Variants in CLSTN2 observed in about 807,000 individuals in gnomAD.
The protein encoded by CLSTN2 is calsyntenin 2.
CLSTN2 carries 48 observed loss-of-function variants against 101.2 expected under a neutral mutation model. The ratio of observed to expected loss-of-function variants is 0.47; its 90% CI spans 0.38 to 0.60. The LOEUF is 0.60. Among genes scored for constraint, CLSTN2 ranks in the 20% least tolerant of loss-of-function variants. The probability of loss-of-function intolerance (pLI) is 0.00; values close to 1 mark genes in which losing one functional copy is unlikely to be tolerated. For missense variants in CLSTN2, 1,160 were observed against 1,238.2 expected (o/e 0.94, Z 0.95); for synonymous variants, 481 against 463.6 (o/e 1.04, Z -0.48).
chr3:140,306,577 G>A (rs923358925), intron 2 of CLSTN2, among the ~76,000 whole-genome samples: 1 of 152,126 alleles, frequency 6.6e-6, no homozygotes, highest in Non-Finnish European at 1.5e-5. Context: ...AATATAATAA[G>A]AACAATGCCT....
intron 1 of CLSTN2, among the ~76,000 whole-genome samples, chr3:140,169,677 G>A (rs987796894): frequency 6.6e-6 from 1 of 152,034 alleles, no homozygotes; most frequent in Non-Finnish European, 1.5e-5. Flanking sequence ...TTATAATTTT[G>A]TCAGATGCTT....
At chr3:140,320,188 G>T (rs902407171) in intron 2 of CLSTN2, among the ~76,000 whole-genome samples, 5 of 152,164 alleles carry the variant, frequency 3.3e-5, no homozygotes, top group African/African-American at 1.2e-4. Flanking sequence ...GAGACCTAAA[G>T]AACCTAAGAA....
chr3:140,117,223 G>T (rs1243685118), intron 1 of CLSTN2, among the ~76,000 whole-genome samples: 1 of 152,118 alleles, frequency 6.6e-6, no homozygotes, highest in Middle Eastern at 3.2e-3. Context: ...GCCCGCCGTG[G>T]TTGCCTCTCT....
At chr3:140,244,060 G>A (rs1438364960) in intron 2 of CLSTN2, among the ~76,000 whole-genome samples, 2 of 152,218 alleles carry the variant, frequency 1.3e-5, no homozygotes, top group East Asian at 1.9e-4. Context: ...AGGTAAAGTA[G>A]AGAGGAAGGC....
At chr3:140,465,232 CT>C (rs1933662074) in intron 7 of CLSTN2, among the ~76,000 whole-genome samples, 1 of 152,204 alleles carries the variant, frequency 6.6e-6, no homozygotes, top group Non-Finnish European at 1.5e-5. Flanking sequence ...GGCCTGGCTC[CT>C]TTTCTCTGCA....
intron 2 of CLSTN2, among the ~76,000 whole-genome samples, chr3:140,392,671 C>T (rs545629708): frequency 3.9e-5 from 6 of 152,010 alleles, no homozygotes; most frequent in East Asian, 1.9e-4. Flanking sequence ...AGTCATTTTT[C>T]GAGGAGGAGT....
chr3:140,522,469 G>A (rs1269394349), intron 8 of CLSTN2, among the ~76,000 whole-genome samples: 3 of 152,194 alleles, frequency 2.0e-5, no homozygotes, highest in Non-Finnish European at 4.4e-5. Context: ...TGAAATGAAG[G>A]TGACCCTTCA....
intron 2 of CLSTN2, among the ~76,000 whole-genome samples, chr3:140,259,878 G>A (rs2086635365): frequency 6.6e-6 from 1 of 151,814 alleles, no homozygotes. Flanking sequence ...TAGATGAGGT[G>A]GTCTATTAAT....
chr3:140,068,354 T>G (rs2008333616), intron 1 of CLSTN2, among the ~76,000 whole-genome samples: 1 of 152,194 alleles, frequency 6.6e-6, no homozygotes, highest in Admixed American at 6.5e-5. Flanking sequence ...ATGAACCCTT[T>G]TAGAGTTCTT....
chr3:140,082,142 G>A (rs2008608965), intron 1 of CLSTN2, among the ~76,000 whole-genome samples: 1 of 152,198 alleles, frequency 6.6e-6, no homozygotes, highest in Non-Finnish European at 1.5e-5. Context: ...CAAGACTACT[G>A]TCATAAATAT....
chr3:140,281,317 T>A (rs1427641927), intron 2 of CLSTN2, among the ~76,000 whole-genome samples: 1 of 152,216 alleles, frequency 6.6e-6, no homozygotes, highest in African/African-American at 2.4e-5. Flanking sequence ...GAAGGAATGT[T>A]CCTGCCCTCA....
intron 2 of CLSTN2, among the ~76,000 whole-genome samples, chr3:140,239,766 C>A (rs2086443992): frequency 6.6e-6 from 1 of 151,974 alleles, no homozygotes; most frequent in Admixed American, 6.6e-5. Context: ...TACGTCATGA[C>A]TATAGCCAGG....
chr3:140,123,324 A>G (rs923877618), intron 1 of CLSTN2, among the ~76,000 whole-genome samples: 1 of 152,200 alleles, frequency 6.6e-6, no homozygotes, highest in East Asian at 1.9e-4. Context: ...TGAAGGGCCC[A>G]TCATGAACAC....
At chr3:140,434,407 A>G (rs889379262) in intron 5 of CLSTN2, among the ~76,000 whole-genome samples, 1 of 152,022 alleles carries the variant, frequency 6.6e-6, no homozygotes, top group Non-Finnish European at 1.5e-5. Flanking sequence ...CTCAGGGCCT[A>G]CTCTGCACCC....
intron 2 of CLSTN2, among the ~76,000 whole-genome samples, chr3:140,297,600 T>C (rs1352169571): frequency 6.6e-6 from 1 of 152,182 alleles, no homozygotes; most frequent in East Asian, 1.9e-4. Context: ...GCTAGAGTCC[T>C]TTTCTAAATT....
At chr3:140,077,310 G>A (rs1279046278) in intron 1 of CLSTN2, among the ~76,000 whole-genome samples, 13 of 152,142 alleles carry the variant, frequency 8.5e-5, no homozygotes, top group Admixed American at 8.5e-4. Flanking sequence ...TTCTTTGCCA[G>A]GTTACCCCTC....
intron 6 of CLSTN2, among the ~76,000 whole-genome samples, chr3:140,457,193 A>G (rs1266860468): frequency 6.6e-6 from 1 of 152,090 alleles, no homozygotes; most frequent in Non-Finnish European, 1.5e-5. Flanking sequence ...CCACACACAC[A>G]TCTCTGCACC....
chr3:139,992,271 G>A (rs996795882), intron 1 of CLSTN2, among the ~76,000 whole-genome samples: 5 of 152,158 alleles, frequency 3.3e-5, no homozygotes, highest in Admixed American at 6.5e-5. Flanking sequence ...ATTGAGGATC[G>A]CTCGTGCAAT....
At position 140,566,421 on chromosome 3, in the gene CLSTN2, C is replaced by G; in HGVS notation, c.*168C>G. The G allele has an allele frequency of 1.5e-6, 1 of 668,018 alleles. No homozygotes were observed. Among genetic ancestry groups the G allele is most frequent in the Non-Finnish European group, 2.6e-6 (1 of 388,608 alleles). The allele number at this position is 668,018 out of a possible 1,614,324, so 41.4% of individuals were successfully genotyped here. On this transcript the variant is annotated 3_prime_UTR_variant, in exon 17 of 17. Transcript: ENST00000458420. Reference sequence around the variant, plus strand: ...GCCTTGGGCACTCCCTGTGTTTCATCCATGGGGAAGTTCCAAGAAGCCCAG... The same window carrying G: ...GCCTTGGGCACTCCCTGTGTTTCATGCATGGGGAAGTTCCAAGAAGCCCAG...
Sources: gnomAD v4.1 joint callset for allele counts (sites outside exome capture counted in the v4.1 genomes callset) on GRCh38, gnomAD v4.1.1 for gene constraint, MANE v1.5 for transcripts, NCBI Gene and HGNC (gene_info 2026-07-23, HGNC 2026-07-21) for gene names.